The following TENM2 variants were observed in gnomAD, a reference collection of about 807,000 sequenced individuals.
The protein encoded by TENM2 is teneurin-2.
TENM2 carries 52 observed loss-of-function variants against 245.2 expected under a neutral mutation model. That is an observed-to-expected ratio of 0.21 (90% CI 0.17 to 0.27). The LOEUF (loss-of-function observed/expected upper bound fraction) is 0.27. Ranked by LOEUF, TENM2 falls within the 10% of genes least tolerant of loss-of-function variation. TENM2 has a pLI of 1.00. For synonymous variants in TENM2, 1,363 were observed against 1,438.9 expected, an observed-to-expected ratio of 0.95 and a Z score of 1.19; for missense variants, 3,046 against 3,666.8, an observed-to-expected ratio of 0.83 and a Z score of 4.37.
intron 2 of TENM2, among the ~76,000 whole-genome samples, chr5:167,770,455 T>C (rs1465955764): frequency 6.6e-6 from 1 of 152,160 alleles, no homozygotes; most frequent in African/African-American, 2.4e-5. Context: ...AGGAGCTTTG[T>C]CTTGACTTTT....
At chr5:166,980,193 C>G in the TENM2 span, among the ~76,000 whole-genome samples, 1 of 152,096 alleles carries the variant, frequency 6.6e-6, no homozygotes, top group Non-Finnish European at 1.5e-5. Context: ...GTCTTGGGCT[C>G]CAGTGATTGA....
intron 2 of TENM2, among the ~76,000 whole-genome samples, chr5:167,801,441 C>T (rs1765765229): frequency 6.6e-6 from 1 of 151,678 alleles, no homozygotes; most frequent in African/African-American, 2.4e-5. Context: ...GAATGCCAAC[C>T]CTCTAAACAG....
chr5:167,541,405 TA>T (rs1442860197), intron 2 of TENM2, among the ~76,000 whole-genome samples: 1 of 152,114 alleles, frequency 6.6e-6, no homozygotes, highest in Non-Finnish European at 1.5e-5. Flanking sequence ...AGTTTATAAG[TA>T]AAAAAGAAAA....
chr5:167,438,624 C>A (rs1301615369), intron 2 of TENM2, among the ~76,000 whole-genome samples: 2 of 152,072 alleles, frequency 1.3e-5, no homozygotes, highest in East Asian at 3.9e-4. Context: ...GTCTCGATCT[C>A]CTGACCTCGT....
At chr5:168,002,294 A>G (rs895123880) in intron 5 of TENM2, among the ~76,000 whole-genome samples, 13 of 152,174 alleles carry the variant, frequency 8.5e-5, no homozygotes, top group Admixed American at 8.5e-4. Flanking sequence ...GCACTCCCCT[A>G]GGGACTCTGT....
chr5:167,640,890 T>TAG (rs1779554352), intron 2 of TENM2, among the ~76,000 whole-genome samples: 1 of 91,368 alleles, frequency 1.1e-5, no homozygotes, highest in Non-Finnish European at 2.2e-5. Context: ...TATATATATA[T>TAG]ATATATATAT....
At chr5:167,641,256 G>A (rs1214432414) in intron 2 of TENM2, among the ~76,000 whole-genome samples, 1 of 151,926 alleles carries the variant, frequency 6.6e-6, no homozygotes. Context: ...AATACGTGTC[G>A]CCTACTTATT....
At chr5:167,946,473 C>T (rs1412914618) in intron 3 of TENM2, among the ~76,000 whole-genome samples, 1 of 152,204 alleles carries the variant, frequency 6.6e-6, no homozygotes, top group Non-Finnish European at 1.5e-5. Context: ...CTGATTCAAG[C>T]AGCATCCGTG....
chr5:167,447,246 T>G (rs1254765235), intron 2 of TENM2, among the ~76,000 whole-genome samples: 3 of 152,228 alleles, frequency 2.0e-5, no homozygotes, highest in Admixed American at 1.3e-4. Flanking sequence ...GATTATTGTT[T>G]GAATTAAATA....
intron 2 of TENM2, among the ~76,000 whole-genome samples, chr5:167,623,299 T>G (rs1778295132): frequency 6.6e-6 from 1 of 152,162 alleles, no homozygotes. Context: ...AGCAACATGA[T>G]TTTGACAGAG....
the TENM2 span, among the ~76,000 whole-genome samples, chr5:167,020,226 G>C: frequency 6.6e-6 from 1 of 152,122 alleles, no homozygotes; most frequent in Non-Finnish European, 1.5e-5. Flanking sequence ...TTGAGGTCAG[G>C]AGGAATTTTA....
In TENM2 at chr5:167,730,036, G is replaced by A. The variant is rs7701359; in HGVS notation, c.503-145950G>A. Among the ~76,000 whole-genome samples, 899 of 152,104 alleles carry A rather than the reference G, an allele frequency of 5.9e-3. 6 individuals carry two copies. Among genetic ancestry groups the A allele is most frequent in the African/African-American group, 0.021 (855 of 41,484 alleles). ...TAAGATATTGAGTATCCTTCTTATG[G>A]GTCTGAGTTTTTTTAGCTTCTCTAC... On this transcript the variant is annotated intron_variant, in intron 2 of 28. Coordinates refer to ENST00000518659, the Ensembl canonical transcript of TENM2.
In TENM2 at chr5:168,084,641, A is replaced by G. The variant is rs142110183; in HGVS notation, c.1516-5933A>G. Among the ~76,000 whole-genome samples the G allele has an allele frequency of 1.0e-3, 152 of 152,348 alleles. 1 individual carries two copies. The highest frequency in any genetic ancestry group is 6.8e-3 in the Middle Eastern group (2 of 294). ...AGGGAAAGGCTGGTGCAAAGGCCCTATGGCTGGGATGAGCTTGGCATCTTC... is the reference window on the plus strand; with the variant it reads ...AGGGAAAGGCTGGTGCAAAGGCCCTGTGGCTGGGATGAGCTTGGCATCTTC... On this transcript the variant is annotated intron_variant, in intron 7 of 28. Transcript: ENST00000518659.
At chr5:167,977,139 A>C (rs536097810) in intron 4 of TENM2, among the ~76,000 whole-genome samples, 3 of 152,242 alleles carry the variant, frequency 2.0e-5, no homozygotes, top group African/African-American at 7.2e-5. Flanking sequence ...ATGGACACAA[A>C]AAGGGAAGCA....
At chr5:168,009,526 C>A (rs1785069208) in intron 5 of TENM2, among the ~76,000 whole-genome samples, 1 of 152,146 alleles carries the variant, frequency 6.6e-6, no homozygotes, top group Non-Finnish European at 1.5e-5. Flanking sequence ...CTCTCTCCAC[C>A]ACACTGAAGT....
intron 2 of TENM2, among the ~76,000 whole-genome samples, chr5:167,420,782 C>T (rs571434859): frequency 2.6e-5 from 4 of 152,308 alleles, no homozygotes; most frequent in Admixed American, 2.0e-4. Flanking sequence ...ACAATTTCTT[C>T]TTATTATCAC....
intron 2 of TENM2, among the ~76,000 whole-genome samples, chr5:167,445,315 A>C (rs1765097004): frequency 3.6e-5 from 1 of 27,420 alleles, no homozygotes; most frequent in Admixed American, 5.0e-4. Flanking sequence ...ATATGATTAT[A>C]TATATATATA....
intron 8 of TENM2, among the ~76,000 whole-genome samples, chr5:168,096,427 A>G (rs149312279): frequency 6.6e-6 from 1 of 152,370 alleles, no homozygotes; most frequent in East Asian, 1.9e-4. Flanking sequence ...TGAAATGTTA[A>G]TTGTTGTTAC....
intron 13 of TENM2, chr5:168,186,912 C>T (rs1369326939): frequency 3.9e-5 from 6 of 152,108 alleles, no homozygotes; most frequent in Admixed American, 6.6e-5. Context: ...GGCATAAAGA[C>T]GCGATTCTCA....
Sources: allele counts gnomAD v4.1 joint callset (sites outside exome capture counted in the v4.1 genomes callset), GRCh38; gene constraint gnomAD v4.1.1; transcripts MANE v1.5; gene names NCBI Gene and HGNC (gene_info 2026-07-23, HGNC 2026-07-21).